The following HACL1 variants were observed in gnomAD, a reference collection of about 807,000 sequenced individuals.
HACL1 encodes 1600020H07Rik.
HACL1 carries 64 observed loss-of-function variants against 74.2 expected under a neutral mutation model. That is an observed-to-expected ratio of 0.86 (90% CI 0.70 to 1.06). HACL1 has a LOEUF of 1.06. Ranked by LOEUF, HACL1 falls within the 50% of genes least tolerant of loss-of-function variation. HACL1 has a pLI of 0.00. For missense variants in HACL1, 728 were observed against 719.7 expected, an observed-to-expected ratio of 1.01 and a Z score of -0.13; for synonymous variants, 230 against 238.8, an observed-to-expected ratio of 0.96 and a Z score of 0.34.
chr3:15,596,001 G>A (rs187798734), intron 3 of HACL1: 85 of 159,892 alleles, frequency 5.3e-4, no homozygotes, highest in Admixed American at 2.6e-3. Flanking sequence ...TAATAAAAAG[G>A]GGGTGGTAGT....
At chr3:15,581,870 G>C (rs532668518) in intron 8 of HACL1, among the ~76,000 whole-genome samples, 2 of 152,282 alleles carry the variant, frequency 1.3e-5, no homozygotes, top group South Asian at 4.1e-4. Flanking sequence ...TCAAATGTTT[G>C]TTAAAAGAAG....
In HACL1 at chr3:15,592,098, T is replaced by C. The variant is rs1398359056; in HGVS notation, c.228-418A>G. Among the ~76,000 whole-genome samples, 183 of 143,430 alleles carry C rather than the reference T, an allele frequency of 1.3e-3. 2 individuals are homozygous for C. The highest frequency in any genetic ancestry group is 4.6e-3 in the African/African-American group (169 of 36,692). The allele number at this position is 143,430 out of a possible 152,430, so 94.1% of individuals were successfully genotyped here. On this transcript the variant is annotated intron_variant, in intron 3 of 16. Transcript: ENST00000321169. ...CGTATACGTATATATACACACACTA[T>C]ATACGTATATATACACACTATATAC...
At chr3:15,582,170 C>T (rs920539768) in intron 8 of HACL1, among the ~76,000 whole-genome samples, 2 of 152,168 alleles carry the variant, frequency 1.3e-5, no homozygotes, top group African/African-American at 4.8e-5. Flanking sequence ...AGTTCCAGAA[C>T]ACGAAATGGA....
intron 15 of HACL1, 32 bp downstream of exon 15, chr3:15,564,519 A>G: frequency 2.2e-6 from 2 of 914,744 alleles, no homozygotes; most frequent in Non-Finnish European, 3.5e-6. Context: ...CGGGAAAGAG[A>G]AAGTAAACAG....
chr3:15,587,720 C>T (rs1470550165), intron 5 of HACL1, among the ~76,000 whole-genome samples: 3 of 152,090 alleles, frequency 2.0e-5, no homozygotes, highest in African/African-American at 4.8e-5. Context: ...TAACTGTTAT[C>T]GTCTACTATT....
At chr3:15,579,328 C>A (rs2063682412) in intron 9 of HACL1, among the ~76,000 whole-genome samples, 1 of 151,996 alleles carries the variant, frequency 6.6e-6, no homozygotes, top group South Asian at 2.1e-4. Context: ...ACAAAGACTG[C>A]AGAAACTATT....
rs989968397 is a variant in HACL1 at position 15,582,939 on chromosome 3, G to A, written c.605C>T (p.Ala202Val). The change falls in exon 8 of 17, where the codon GCT (alanine) becomes GTT (valine). Residue 202 changes from alanine to valine, a missense_variant. Transcript: ENST00000321169. Reference protein sequence around the residue: ...SPPISMAETSAVCTAASVIRN... With the variant: ...SPPISMAETSVVCTAASVIRN... ...AATAACAGAAGCCGCCGTGCACACA[G>A]CAGAGGTTTCTGCCATGCTAATAGG... The A allele has an allele frequency of 6.2e-7, 1 of 1,612,106 alleles. No individual in the cohort carries two copies.
intron 12 of HACL1, among the ~76,000 whole-genome samples, chr3:15,568,876 C>T (rs1364686348): frequency 2.0e-5 from 3 of 152,202 alleles, no homozygotes; most frequent in African/African-American, 7.2e-5. Context: ...AGAAGTCCTA[C>T]AGTAAAGACA....
intron 9 of HACL1, among the ~76,000 whole-genome samples, chr3:15,578,693 G>C (rs2063667880): frequency 6.6e-6 from 1 of 152,144 alleles, no homozygotes; most frequent in South Asian, 2.1e-4. Context: ...GAGCTGCATG[G>C]TGGTGGCTCC....
chr3:15,565,017 T>C (rs1199975793), intron 14 of HACL1, among the ~76,000 whole-genome samples: 1 of 151,958 alleles, frequency 6.6e-6, no homozygotes, highest in Non-Finnish European at 1.5e-5. Context: ...ATACAAAAAT[T>C]AGCTGTGCAT....
rs1048056372 is a variant in HACL1 at position 15,577,430 on chromosome 3, C to T, written c.804-2348G>A. On this transcript the variant is annotated intron_variant, in intron 9 of 16. Transcript: ENST00000321169. ...CTACAGAAAGGGAAGCAAGAAATGG[C>T]ATCAAAAAAGATATTTAGGGGACTG... Among the ~76,000 whole-genome samples the T allele has an allele frequency of 6.0e-5, 9 of 151,108 alleles. 2 individuals carry two copies. The highest frequency in any genetic ancestry group is 5.9e-4 in the Admixed American group (9 of 15,174).
intron 9 of HACL1, among the ~76,000 whole-genome samples, chr3:15,579,066 T>G (rs989664889): frequency 2.0e-5 from 3 of 152,260 alleles, no homozygotes; most frequent in Non-Finnish European, 4.4e-5. Flanking sequence ...TATATATGGT[T>G]AAGTTCACAC....
At chr3:15,584,424 C>T (rs2063759380) in intron 7 of HACL1, among the ~76,000 whole-genome samples, 1 of 152,074 alleles carries the variant, frequency 6.6e-6, no homozygotes, top group South Asian at 2.1e-4. Context: ...CCTGTCTCTA[C>T]TAAAAATACA....
At chr3:15,567,756 T>A (rs1017531407) in intron 14 of HACL1, 88 bp downstream of exon 14, 2 of 1,240,540 alleles carry the variant, frequency 1.6e-6, no homozygotes, top group Non-Finnish European at 1.2e-6. Flanking sequence ...GGTGAACGCT[T>A]CATAAGTATT....
intron 14 of HACL1, among the ~76,000 whole-genome samples, chr3:15,566,762 A>G (rs1238565397): frequency 1.3e-5 from 2 of 150,388 alleles, no homozygotes; most frequent in African/African-American, 2.5e-5. Context: ...ATTTCTGCCT[A>G]AAGGATACTA....
At position 15,589,435 on chromosome 3, in the gene HACL1, T is replaced by G. The variant is rs574540035; in HGVS notation, c.381+105A>C. The G allele has an allele frequency of 3.2e-5, 22 of 683,398 alleles. No homozygotes were observed. In the South Asian group the frequency reaches 3.8e-4, roughly 12 times the overall value. 42.3% of individuals were successfully genotyped at this position (683,398 alleles called of 1,614,324 possible). On this transcript the variant is annotated intron_variant, in intron 5 of 16. Coordinates refer to ENST00000321169, the MANE Select transcript of HACL1 (RefSeq NM_012260.4). ...TTGCTTGAGGTCAGGAGGTCAAGAC[T>G]GCAGTGAGCTGAGATGGCACCACTG...
chr3:15,593,336 C>T (rs2063991526), intron 3 of HACL1, among the ~76,000 whole-genome samples: 1 of 151,942 alleles, frequency 6.6e-6, no homozygotes, highest in African/African-American at 2.4e-5. Context: ...ACCACAGCCT[C>T]CCAAGTAACC....
At chr3:15,576,841 G>A (rs537757572) in intron 9 of HACL1, among the ~76,000 whole-genome samples, 1 of 151,958 alleles carries the variant, frequency 6.6e-6, no homozygotes, top group Non-Finnish European at 1.5e-5. Context: ...CATAAATTGA[G>A]TACATACTCA....
chr3:15,591,456 A>C, intron 4 of HACL1, 144 bp downstream of exon 4: 1 of 515,602 alleles, frequency 1.9e-6, no homozygotes, highest in Non-Finnish European at 3.6e-6. Flanking sequence ...CCTCCCCGGT[A>C]ACTAACTCTA....
Sources: allele counts gnomAD v4.1 joint callset (sites outside exome capture counted in the v4.1 genomes callset), GRCh38; gene constraint gnomAD v4.1.1; transcripts MANE v1.5; gene names NCBI Gene and HGNC (gene_info 2026-07-23, HGNC 2026-07-21).